The following TDRD7 variants were observed in gnomAD, a reference collection of about 807,000 sequenced individuals.
TDRD7 encodes tudor domain containing 7.
Under a neutral mutation model 109.8 loss-of-function variants are expected in TDRD7, and 47 were observed. The observed-to-expected ratio is 0.43, with a 90% CI of 0.34 to 0.55. The LOEUF is 0.55. Ranked by LOEUF, TDRD7 falls within the 20% of genes least tolerant of loss-of-function variation. TDRD7 has a pLI of 0.03. For missense variants in TDRD7, 1,164 were observed against 1,319.2 expected, an observed-to-expected ratio of 0.88 and a Z score of 1.82; for synonymous variants, 424 against 457.3, an observed-to-expected ratio of 0.93 and a Z score of 0.93.
chr9:97,479,468 C>A (rs1225449134), intron 13 of TDRD7, among the ~76,000 whole-genome samples: 5 of 152,190 alleles, frequency 3.3e-5, no homozygotes, highest in Non-Finnish European at 7.3e-5. Flanking sequence ...GGCTGGAGGG[C>A]AGTTGGGAAT....
chr9:97,475,237 C>G, intron 11 of TDRD7, 146 bp from the exon 12 acceptor site: 2 of 712,428 alleles, frequency 2.8e-6, no homozygotes. Context: ...AGTTTTATAA[C>G]CCTGTGTGTT....
chr9:97,418,851 C>T (rs1827853794), intron 1 of TDRD7, among the ~76,000 whole-genome samples: 1 of 152,192 alleles, frequency 6.6e-6, no homozygotes, highest in South Asian at 2.1e-4. Flanking sequence ...TTGCTGTCCA[C>T]TCCTAATGTA....
intron 7 of TDRD7, among the ~76,000 whole-genome samples, chr9:97,462,121 A>G (rs776121836): frequency 1.3e-5 from 2 of 152,208 alleles, no homozygotes; most frequent in Non-Finnish European, 2.9e-5. Flanking sequence ...AGTAAAGGAA[A>G]GATATTGAAG....
intron 11 of TDRD7, among the ~76,000 whole-genome samples, chr9:97,474,048 T>G (rs1325691407): frequency 6.6e-6 from 1 of 152,216 alleles, no homozygotes; most frequent in African/African-American, 2.4e-5. Flanking sequence ...CTTTCCTCCT[T>G]AGTTCTGCCT....
intron 4 of TDRD7, 55 bp from the exon 5 acceptor site, chr9:97,439,190 G>C: frequency 2.9e-6 from 4 of 1,394,264 alleles, no homozygotes; most frequent in African/African-American, 1.5e-5. Context: ...TTTAAAACTT[G>C]GTATAGACTT....
intron 7 of TDRD7, among the ~76,000 whole-genome samples, chr9:97,461,729 C>T (rs1056059388): frequency 6.6e-6 from 1 of 152,180 alleles, no homozygotes; most frequent in African/African-American, 2.4e-5. Flanking sequence ...GGTACCAGTC[C>T]AGGGTGTGGC....
At chr9:97,438,871 T>C (rs1185476316) in intron 4 of TDRD7, among the ~76,000 whole-genome samples, 5 of 152,234 alleles carry the variant, frequency 3.3e-5, no homozygotes, top group African/African-American at 1.2e-4. Flanking sequence ...CATCTGGTGA[T>C]GCAAGTCCTT....
At chr9:97,425,630 C>T (rs1401513581) in intron 1 of TDRD7, among the ~76,000 whole-genome samples, 1 of 152,112 alleles carries the variant, frequency 6.6e-6, no homozygotes, top group East Asian at 1.9e-4. Context: ...CACACACACA[C>T]ACACATCTGT....
chr9:97,491,183 T>C (rs1829303721), intron 16 of TDRD7, among the ~76,000 whole-genome samples: 1 of 152,196 alleles, frequency 6.6e-6, no homozygotes, highest in Non-Finnish European at 1.5e-5. Context: ...TCCTCCCACC[T>C]TGGCCTCCAA....
intron 6 of TDRD7, among the ~76,000 whole-genome samples, chr9:97,445,975 T>A (rs1280034507): frequency 2.0e-5 from 3 of 152,124 alleles, no homozygotes; most frequent in Non-Finnish European, 2.9e-5. Context: ...AAAATAAATT[T>A]AAAAAAATTA....
rs13286028 is a variant in TDRD7 at position 97,430,704 on chromosome 9, T to C, written c.208-229T>C. Among the ~76,000 whole-genome samples the C allele has an allele frequency of 0.25, 37,555 of 152,156 alleles. 4,771 individuals are homozygous for C. Among genetic ancestry groups the C allele is most frequent in the Middle Eastern group, 0.29 (84 of 294 alleles). ...TGCTTAATACCTATTTAAAAATAAA[T>C]GGAATTTTCAGTTTAGGAAAGATAA... On this transcript the variant is annotated intron_variant, in intron 2 of 16. Transcript: ENST00000355295.
intron 7 of TDRD7, 40 bp from the exon 8 acceptor site, chr9:97,464,802 A>G (rs760540806): frequency 3.1e-6 from 5 of 1,609,886 alleles, no homozygotes; most frequent in Non-Finnish European, 4.3e-6. Context: ...TTCTTCTTCT[A>G]GGTTACTTCA....
At chr9:97,415,362 A>T (rs1827794967) in intron 1 of TDRD7, among the ~76,000 whole-genome samples, 1 of 152,238 alleles carries the variant, frequency 6.6e-6, no homozygotes, top group Non-Finnish European at 1.5e-5. Context: ...TGACTGAGCC[A>T]GGGAGGATCA....
chr9:97,414,790 G>A (rs559242318), intron 1 of TDRD7, among the ~76,000 whole-genome samples: 1 of 152,320 alleles, frequency 6.6e-6, no homozygotes, highest in African/African-American at 2.4e-5. Flanking sequence ...TGGTGAAGGA[G>A]TAATTGAAGT....
chr9:97,480,520 G>C (rs954218693), intron 13 of TDRD7: 3 of 378,658 alleles, frequency 7.9e-6, no homozygotes, highest in Non-Finnish European at 1.5e-5. Context: ...CAGTCTTTCT[G>C]AGTCCATTTC....
At position 97,460,520 on chromosome 9, in the gene TDRD7, GCCAT is replaced by G; in HGVS notation, c.1199_1202del (p.Ala400ValfsTer37). ...CTACATTTCTGGAAATCCCCAGAAG[GCCAT>G]TCTCTATGCTAAACTTCCATTGCCC... On this transcript the variant is annotated frameshift_variant, in exon 7 of 17. Transcript: ENST00000355295. LOFTEE classifies it high-confidence loss of function. The G allele has an allele frequency of 1.2e-6, 2 of 1,614,194 alleles. No homozygotes were observed. Among genetic ancestry groups the G allele is most frequent in the Non-Finnish European group, 1.7e-6 (2 of 1,180,036 alleles).
intron 8 of TDRD7, among the ~76,000 whole-genome samples, chr9:97,465,412 T>C (rs1056112839): frequency 3.9e-5 from 6 of 152,160 alleles, no homozygotes; most frequent in Non-Finnish European, 5.9e-5. Flanking sequence ...CAATTCTTCT[T>C]CTCCCTCTTC....
chr9:97,415,050 A>G (rs1827789362), intron 1 of TDRD7, among the ~76,000 whole-genome samples: 4 of 152,210 alleles, frequency 2.6e-5, no homozygotes. Context: ...TTAGAAGTAT[A>G]TGCCCTAAAG....
At chr9:97,466,431 G>T (rs895194993) in intron 8 of TDRD7, among the ~76,000 whole-genome samples, 1 of 135,556 alleles carries the variant, frequency 7.4e-6, no homozygotes, top group Non-Finnish European at 1.6e-5. Context: ...AAAATAGTTT[G>T]CCAGTTTCTT....
Sources: allele counts gnomAD v4.1 joint callset (sites outside exome capture counted in the v4.1 genomes callset), GRCh38; gene constraint gnomAD v4.1.1; transcripts MANE v1.5; gene names NCBI Gene and HGNC (gene_info 2026-07-23, HGNC 2026-07-21).